The following CD177 variants were observed in gnomAD, a reference collection of about 807,000 sequenced individuals.
CD177 encodes CD177 molecule.
CD177 carries 41 observed loss-of-function variants against 38.1 expected under a neutral mutation model. The observed-to-expected ratio is 1.07, with a 90% CI of 0.84 to 1.39. The LOEUF (loss-of-function observed/expected upper bound fraction) is 1.39, where lower values mean the gene tolerates loss of function less well. CD177 is among the 40% of genes most tolerant of loss of function. The pLI is 0.00. For missense variants in CD177, 619 were observed against 523.8 expected, an observed-to-expected ratio of 1.18 and a Z score of -1.77; for synonymous variants, 236 against 216.7, an observed-to-expected ratio of 1.09 and a Z score of -0.78.
chr19:43,355,434 C>T (rs1034639381), intron 3 of CD177: 20 of 515,262 alleles, frequency 3.9e-5, no homozygotes, highest in Non-Finnish European at 6.4e-5. Flanking sequence ...TGTACCCAGC[C>T]CTGGGTGCCT....
rs376471344 is a variant in CD177 at position 43,353,856 on chromosome 19, T to G, written c.56T>G (p.Val19Gly). Residue 19 changes from valine (V) to glycine (G), a missense_variant, in exon 2 of 9, where the codon GTG becomes GGG. Physicochemically the swap from Val to Gly is moderately radical, Grantham distance 109. Coordinates refer to ENST00000618265, the MANE Select transcript of CD177 (RefSeq NM_020406.4). ...GGATTTGCTCTTGCCACTCCAGGAG[T>G]GCAGGCGCTGCTCTGCCAGTTTGGG... ...LLGFILPLPGVQALLCQFGTV... is the reference protein window; with the variant it reads ...LLGFILPLPGGQALLCQFGTV... 6.2e-7 allele frequency: 1 copy of G among 1,613,680 alleles called. No homozygotes were observed. The highest frequency in any genetic ancestry group is 8.5e-7 in the Non-Finnish European group (1 of 1,179,812).
chr19:43,363,412 A>G (rs915887655), downstream of CD177, among the ~76,000 whole-genome samples: 1 of 152,154 alleles, frequency 6.6e-6, no homozygotes, highest in African/African-American at 2.4e-5. Flanking sequence ...ACAGAAAGAG[A>G]CAGAGAGAGC....
At position 43,361,300 on chromosome 19, in the gene CD177, C is replaced by A; in HGVS notation, c.918C>A (p.Ser306Arg). The A allele has an allele frequency of 6.5e-7, 1 of 1,545,982 alleles. No homozygotes were observed. Among genetic ancestry groups the A allele is most frequent in the Non-Finnish European group, 8.9e-7 (1 of 1,125,462 alleles). Residue 306 changes from serine (S) to arginine (R), a missense_variant, in exon 7 of 9, where the codon AGC becomes AGA. Ser to Arg is a moderately radical substitution (Grantham distance 110). Transcript: ENST00000618265. Reference protein sequence around the residue: ...SDLCNSASSSSVLLNSLPPQA... With the variant: ...SDLCNSASSSRVLLNSLPPQA... ...TGTGCAATAGTGCCAGCAGCAGCAG[C>A]GTTCTGCTGAACTCCCTCCCTCCTC...
chr19:43,361,395 G>A (rs1342509948), intron 7 of CD177, 50 bp from the exon 8 acceptor site: 1 of 1,594,860 alleles, frequency 6.3e-7, no homozygotes. Context: ...AAGGTGGCCA[G>A]CTGCTCTGAG....
Position 43,362,135 on chromosome 19 carries a change from T to C in CD177, c.1129T>C (p.Ser377Pro), listed in dbSNP as rs1202158677. 8.1e-6 allele frequency: 13 copies of C among 1,613,792 alleles called. No individual in the cohort carries two copies. The South Asian group carries it at 1.3e-4, about 16-fold the overall frequency. Residue 377 changes from serine (S) to proline (P), a missense_variant, in exon 9 of 9, where the codon TCC becomes CCC. Coordinates refer to ENST00000618265, the MANE Select transcript of CD177 (RefSeq NM_020406.4). ...MSIQGCVAQPSSFLLNHTRQI... is the reference protein window; with the variant it reads ...MSIQGCVAQPPSFLLNHTRQI... The stretch of plus-strand genomic sequence containing the variant: ...CATTCAGGGCTGCGTGGCCCAACCT[T>C]CCAGCTTCTTGTTGAACCACACCAG...
At chr19:43,361,967 C>A in intron 8 of CD177, 121 bp from the exon 9 acceptor site, 2 of 741,268 alleles carry the variant, frequency 2.7e-6, no homozygotes, top group Non-Finnish European at 4.3e-6. Context: ...GTCTGAGGAG[C>A]TGGAGCTGGG....
At chr19:43,363,698 GAGAAGA>G (rs1970005630), downstream of CD177, among the ~76,000 whole-genome samples, 1 of 148,372 alleles carries the variant, frequency 6.7e-6, no homozygotes, top group African/African-American at 2.5e-5. Context: ...GAGGGAAGAG[GAGAAGA>G]GAGCGAATCT....
At position 43,362,231 on chromosome 19, in the gene CD177, G is replaced by A. The variant is rs1247936989; in HGVS notation, c.1225G>A (p.Gly409Arg). The A allele has an allele frequency of 6.2e-7, 1 of 1,611,406 alleles. No individual in the cohort carries two copies. The highest frequency in any genetic ancestry group is 8.5e-7 in the Non-Finnish European group (1 of 1,177,590). ...TCCTGCCTCTCAGCATGAGGGAGGT[G>A]GGGCTGAGGGCCTGGAGTCTCTCAC... ...QPPASQHEGGGAEGLESLTWG... is the reference protein window; with the variant it reads ...QPPASQHEGGRAEGLESLTWG... The change falls in exon 9 of 9, where the codon GGG becomes AGG. Residue 409 changes from glycine to arginine, a missense_variant. Gly to Arg is a moderately radical substitution (Grantham distance 125). Coordinates refer to ENST00000618265, the MANE Select transcript of CD177 (RefSeq NM_020406.4).
Position 43,362,101 on chromosome 19 carries a change from C to G in CD177, c.1095C>G (p.Thr365=). The G allele has an allele frequency of 6.2e-7, 1 of 1,613,666 alleles. No individual in the cohort carries two copies. Residue 365 remains threonine (T), a synonymous_variant, in exon 9 of 9, where the codon ACC becomes ACG. Transcript: ENST00000618265. ...YIHLSGGGLS[T]KMSIQGCVAQ... is the part of the protein sequence containing the mutation. ...TTCTCCCTCTAGGTGGGCTGTCCACCAAAATGAGCATTCAGGGCTGCGTGG... is the reference window on the plus strand; with the variant it reads ...TTCTCCCTCTAGGTGGGCTGTCCACGAAAATGAGCATTCAGGGCTGCGTGG...
chr19:43,364,478 G>T (rs1006002227), downstream of CD177, among the ~76,000 whole-genome samples: 1 of 151,866 alleles, frequency 6.6e-6, no homozygotes, highest in African/African-American at 2.4e-5. Context: ...AAATGTTACC[G>T]CCATGAGTTG....
At chr19:43,360,988 G>A (rs963459062) in intron 6 of CD177, 155 bp from the exon 7 acceptor site, 30 of 616,342 alleles carry the variant, frequency 4.9e-5, no homozygotes, top group Non-Finnish European at 6.8e-5. Context: ...CCCAGCCTCC[G>A]TCTTTGCCCC....
At chr19:43,355,104 C>T (rs77411415) in intron 3 of CD177, among the ~76,000 whole-genome samples, 4 of 26,824 alleles carry the variant, frequency 1.5e-4, no homozygotes, top group Non-Finnish European at 2.6e-4. Context: ...CTTTTCTTTT[C>T]TTTTTTTTTT....
intron 2 of CD177, 48 bp downstream of exon 2, chr19:43,354,041 C>A (rs1969882611): frequency 6.3e-7 from 1 of 1,594,288 alleles, no homozygotes; most frequent in African/African-American, 1.3e-5. Context: ...CCCTCAGTCC[C>A]TTGATCCCTG....
At chr19:43,355,519 C>T in intron 3 of CD177, 142 bp from the exon 4 acceptor site, 1 of 902,564 alleles carries the variant, frequency 1.1e-6, no homozygotes, top group Non-Finnish European at 1.8e-6. Flanking sequence ...ATCCAGATCC[C>T]ATGATGGGAG....
rs1969881665 is a variant in CD177 at position 43,353,996 on chromosome 19, G to A, written c.193+3G>A. ...CACGTTGATGCTCATTGAGAGCGGTGAGAAGGCCCTGGCGTGCAGAGACCC... is the reference window on the plus strand; with the variant it reads ...CACGTTGATGCTCATTGAGAGCGGTAAGAAGGCCCTGGCGTGCAGAGACCC... On this transcript the variant is annotated splice_donor_region_variant and intron_variant, in intron 2 of 8. Coordinates refer to ENST00000618265, the MANE Select transcript of CD177 (RefSeq NM_020406.4). The A allele has an allele frequency of 6.2e-7, 1 of 1,613,302 alleles. No individual in the cohort carries two copies. The highest frequency in any genetic ancestry group is 8.5e-7 in the Non-Finnish European group (1 of 1,179,668).
intron 8 of CD177, among the ~76,000 whole-genome samples, chr19:43,361,848 C>T (rs1219260311): frequency 6.7e-6 from 1 of 148,492 alleles, no homozygotes; most frequent in East Asian, 2.0e-4. Context: ...GGCCGGGGCT[C>T]CTGGGTCTGA....
In CD177 at chr19:43,360,344, G is replaced by T. The variant is rs115729962; in HGVS notation, c.699G>T (p.Ser233=). The part of the protein sequence containing the change: ...LAQEPTDWTT[S]NTEMCEVGQV... Reference sequence around the variant, plus strand: ...AAGAACCCACTGATTGGACCACATCGAATACCGAGATGTGCGAGGTGGGGC... The same window carrying T: ...AAGAACCCACTGATTGGACCACATCTAATACCGAGATGTGCGAGGTGGGGC... The change falls in exon 6 of 9, where the codon TCG becomes TCT. Residue 233 remains serine (S), a synonymous_variant. Transcript: ENST00000618265. 5.5e-4 allele frequency: 890 copies of T among 1,611,804 alleles called. 9 individuals are homozygous for T. The African/African-American group carries it at 9.8e-3, about 18-fold the overall frequency.
At position 43,362,069 on chromosome 19, in the gene CD177, C is replaced by T. The variant is rs776366973; in HGVS notation, c.1082-19C>T. On this transcript the variant is annotated intron_variant, in intron 8 of 8. Coordinates refer to ENST00000618265, the MANE Select transcript of CD177 (RefSeq NM_020406.4). Reference sequence around the variant, plus strand: ...GGGCTGTACTCTGTGTCCTTTCTGACTTGGTCTTCTCCCTCTAGGTGGGCT... The same window carrying T: ...GGGCTGTACTCTGTGTCCTTTCTGATTTGGTCTTCTCCCTCTAGGTGGGCT... 3.1e-6 allele frequency: 5 copies of T among 1,607,504 alleles called. No individual in the cohort carries two copies. In the South Asian group the frequency reaches 4.4e-5, roughly 14 times the overall value.
rs761367897 is a variant in CD177 at position 43,355,798 on chromosome 19, T to G, written c.502+15T>G. On this transcript the variant is annotated intron_variant, in intron 4 of 8. Coordinates refer to ENST00000618265, the MANE Select transcript of CD177 (RefSeq NM_020406.4). ...GCTCAGGGGAGGTAAGCCTGGGACA[T>G]CGGGGTCCCTGTGGGGACTGAACTG... 6.2e-7 allele frequency: 1 copy of G among 1,612,694 alleles called. No individual in the cohort carries two copies. The highest frequency in any genetic ancestry group is 1.3e-5 in the African/African-American group (1 of 74,688).
Sources: allele counts gnomAD v4.1 joint callset (sites outside exome capture counted in the v4.1 genomes callset), GRCh38; gene constraint gnomAD v4.1.1; transcripts MANE v1.5; gene names NCBI Gene and HGNC (gene_info 2026-07-23, HGNC 2026-07-21).